The following HARS2 variants were observed in gnomAD, a reference collection of about 807,000 sequenced individuals.
The protein encoded by HARS2 is histidine--tRNA ligase, mitochondrial.
A neutral mutation model predicts 62.4 loss-of-function variants in HARS2; 40 were observed. The observed-to-expected ratio is 0.64, with a 90% CI of 0.50 to 0.83. The LOEUF (loss-of-function observed/expected upper bound fraction) is 0.83. Among genes scored for constraint, HARS2 ranks in the 40% least tolerant of loss-of-function variants. The pLI, the probability that HARS2 is intolerant of heterozygous loss-of-function variation, is 0.00. For missense variants in HARS2, 569 were observed against 626.4 expected (o/e 0.91, Z 0.98); for synonymous variants, 228 against 227.0 (o/e 1.00, Z -0.04).
At chr5:140,696,918 C>T (rs769366154) in intron 8 of HARS2, 25 bp from the exon 9 acceptor site, 6 of 1,597,006 alleles carry the variant, frequency 3.8e-6, no homozygotes, top group Admixed American at 1.7e-5. Context: ...TGTGAGTGAA[C>T]AGCAGAGACT....
intron 1 of HARS2, 83 bp from the exon 2 acceptor site, chr5:140,693,508 G>A (rs1223625818): frequency 1.2e-6 from 2 of 1,611,142 alleles, no homozygotes; most frequent in Admixed American, 1.7e-5. Flanking sequence ...AGTCTTTGCA[G>A]GTTGGTGGTC....
In HARS2 at chr5:140,697,184, G is replaced by C. The variant is rs756782773; in HGVS notation, c.975G>C (p.Leu325=). 1.8e-5 allele frequency: 29 copies of C among 1,614,242 alleles called. 1 individual carries two copies. The Middle Eastern group carries it at 4.5e-3, about 248-fold the overall frequency. The change falls in exon 10 of 13, where the codon CTG becomes CTC. Residue 325 remains leucine (L), a synonymous_variant. Transcript: ENST00000230771. The part of the protein sequence containing the change: ...IADKISFDLS[L]ARGLDYYTGV... ...CACAGATCTCCTTTGACCTCAGCCT[G>C]GCTCGGGGCCTAGACTACTATACAG... is the stretch of plus-strand genomic sequence containing the variant.
rs1759756242 is a variant in HARS2 at position 140,696,669 on chromosome 5, C to G, written c.826+55C>G. On this transcript the variant is annotated intron_variant, in intron 8 of 12. Transcript: ENST00000230771. ...AGAACCAGGCTGAAGGTGACATGTG[C>G]TCAAATTCTACCTCTGAAACAACTC... is the stretch of plus-strand genomic sequence containing the variant. 2.5e-6 allele frequency: 3 copies of G among 1,196,246 alleles called. No individual in the cohort carries two copies. In the East Asian group the frequency reaches 7.0e-5, roughly 28 times the overall value. 74.1% of individuals were successfully genotyped at this position (1,196,246 alleles called of 1,614,324 possible).
In HARS2 at chr5:140,696,172, A is replaced by G; in HGVS notation, c.703A>G (p.Ile235Val). ...TGTTCCTGAAAGCAAGTTCCGTGCC[A>G]TCTGCTCCTCCATAGATAAACTAGA... ...CGVPESKFRA[I>V]CSSIDKLDKM... The change falls in exon 7 of 13, where the codon ATC becomes GTC. Residue 235 changes from isoleucine to valine, a missense_variant. Ile to Val is a conservative substitution (Grantham distance 29). Coordinates refer to ENST00000230771, the MANE Select transcript of HARS2 (RefSeq NM_012208.4). 6.2e-7 allele frequency: 1 copy of G among 1,613,130 alleles called. No homozygotes were observed. The highest frequency in any genetic ancestry group is 8.5e-7 in the Non-Finnish European group (1 of 1,179,108).
chr5:140,694,421 A>G, intron 4 of HARS2, 141 bp downstream of exon 4: 1 of 723,694 alleles, frequency 1.4e-6, no homozygotes, highest in Admixed American at 2.0e-5. Context: ...CAGTTCTGCT[A>G]CGGAAGCCTG....
intron 4 of HARS2, 44 bp downstream of exon 4, chr5:140,694,324 C>A: frequency 7.4e-7 from 1 of 1,360,036 alleles, no homozygotes; most frequent in Non-Finnish European, 1.1e-6. Context: ...CTTTCCAAAT[C>A]CAGCGGGCTT....
intron 4 of HARS2, among the ~76,000 whole-genome samples, chr5:140,695,061 G>A (rs1759690472): frequency 6.6e-6 from 1 of 152,190 alleles, no homozygotes; most frequent in Admixed American, 6.5e-5. Flanking sequence ...GGTTACGGGT[G>A]TGAGCCACTG....
At position 140,694,051 on chromosome 5, in the gene HARS2, G is replaced by A. The variant is rs770554395; in HGVS notation, c.300G>A (p.Leu100=). The A allele has an allele frequency of 3.7e-6, 6 of 1,614,208 alleles. No homozygotes were observed. The highest frequency in any genetic ancestry group is 5.1e-6 in the Non-Finnish European group (6 of 1,180,022). ...AKGMDTPAFE[L]KETLTEKYGE... is the part of the protein sequence containing the mutation. ...GGATGGACACCCCAGCATTTGAGCT[G>A]AAGGTAAGGGGAGAAGAAAGAGTAC... Residue 100 remains leucine (L), a synonymous_variant, in exon 3 of 13, where the codon CTG becomes CTA. Coordinates refer to ENST00000230771, the MANE Select transcript of HARS2 (RefSeq NM_012208.4).
At position 140,695,801 on chromosome 5, in the gene HARS2, T is replaced by G. The variant is rs1759719283; in HGVS notation, c.589T>G (p.Cys197Gly). The change falls in exon 6 of 13, where the codon TGT becomes GGT. Residue 197 changes from cysteine (C) to glycine (G), a missense_variant. Transcript: ENST00000230771. ...CGATGCAGAGTGTTTGAAGATCATGTGTGAAATCCTAAGTGGATTGCAGTT... is the reference window on the plus strand; with the variant it reads ...CGATGCAGAGTGTTTGAAGATCATGGGTGAAATCCTAAGTGGATTGCAGTT... ...IPDAECLKIM[C>G]EILSGLQLGD... The G allele has an allele frequency of 7.4e-6, 12 of 1,613,816 alleles. No individual in the cohort carries two copies. The South Asian group carries it at 1.3e-4, about 18-fold the overall frequency.
At chr5:140,692,745 T>C (rs2149849781) in intron 1 of HARS2, among the ~76,000 whole-genome samples, 1 of 151,958 alleles carries the variant, frequency 6.6e-6, no homozygotes, top group East Asian at 1.9e-4. Context: ...ATACAAAAAT[T>C]AGCCGGGCGT....
rs575626648 is a variant in HARS2, at chr5:140,691,682, T to C, written c.34T>C (p.Trp12Arg). Residue 12 changes from tryptophan (W) to arginine (R), a missense_variant, in exon 1 of 13, where the codon TGG becomes CGG. Coordinates refer to ENST00000230771, the MANE Select transcript of HARS2 (RefSeq NM_012208.4). ...PLLGLLPRRA[W>R]ASLLSQLLRP... ...GCTCGGACTTCTTCCCAGGAGGGCC[T>C]GGGCTTCGCTGCTCAGCCAGCTCCT... 2.6e-6 allele frequency: 4 copies of C among 1,551,530 alleles called. No individual in the cohort carries two copies. Among genetic ancestry groups the C allele is most frequent in the South Asian group, 2.4e-5 (2 of 84,138 alleles).
chr5:140,698,371 ACTC>A, intron 12 of HARS2, 119 bp from the exon 13 acceptor site: 2 of 847,530 alleles, frequency 2.4e-6, no homozygotes, highest in South Asian at 2.7e-5. Context: ...AACCCACACT[ACTC>A]CTTTCTGGTT....
chr5:140,695,245 AAGTT>A (rs750905735), intron 4 of HARS2, among the ~76,000 whole-genome samples: 12 of 152,172 alleles, frequency 7.9e-5, no homozygotes, highest in Admixed American at 2.0e-4. Flanking sequence ...GAAAGACCTG[AAGTT>A]AGTTCTTGGG....
At position 140,697,645 on chromosome 5, in the gene HARS2, G is replaced by A. The variant is rs747329757; in HGVS notation, c.1274G>A (p.Arg425Gln). 5.0e-6 allele frequency: 8 copies of A among 1,613,788 alleles called. No homozygotes were observed. The highest frequency in any genetic ancestry group is 4.2e-6 in the Non-Finnish European group (5 of 1,179,702). The change falls in exon 11 of 13, where the codon CGG becomes CAG. Residue 425 changes from arginine (R) to glutamine (Q), a missense_variant. Transcript: ENST00000230771. ...CCACAGAAGAACTTTCTCCAAGAAC[G>A]GTTGAAGCTTATTGCAGAGCTTTGG... ...ATPQKNFLQERLKLIAELWDS... is the reference protein window; with the variant it reads ...ATPQKNFLQEQLKLIAELWDS...
chr5:140,693,613 C>T lies in HARS2; in HGVS notation c.131C>T (p.Ser44Phe). 2.5e-6 allele frequency: 4 copies of T among 1,613,966 alleles called. No homozygotes were observed. The highest frequency in any genetic ancestry group is 2.5e-6 in the Non-Finnish European group (3 of 1,179,866). Reference protein sequence around the residue: ...QSQVAEAVLTSQLKAHQEKPN... With the variant: ...QSQVAEAVLTFQLKAHQEKPN... ...CAGGTTGCAGAGGCAGTGTTAACAT[C>T]CCAACTGAAAGCACATCAAGAGAAA... The change falls in exon 2 of 13, where the codon TCC (serine) becomes TTC (phenylalanine). Residue 44 changes from serine (S) to phenylalanine (F), a missense_variant. Ser to Phe is a radical substitution (Grantham distance 155, BLOSUM62 -2). Transcript: ENST00000230771.
chr5:140,698,055 C>T lies in HARS2; in HGVS notation c.1438C>T (p.Arg480Cys), dbSNP rs1429188380. 6.2e-6 allele frequency: 10 copies of T among 1,614,046 alleles called. No individual in the cohort carries two copies. Among genetic ancestry groups the T allele is most frequent in the South Asian group, 4.4e-5 (4 of 91,084 alleles). ...ACTGAAAGAAGGGGTCATCAAGATCCGTTCAGTGGCCAGCAGAGAGGAGGT... is the reference window on the plus strand; with the variant it reads ...ACTGAAAGAAGGGGTCATCAAGATCTGTTCAGTGGCCAGCAGAGAGGAGGT... ...QELKEGVIKI[R>C]SVASREEVAI... The change falls in exon 12 of 13, where the codon CGT becomes TGT. Residue 480 changes from arginine (R) to cysteine (C), a missense_variant. Arg to Cys is a radical substitution (Grantham distance 180). Transcript: ENST00000230771.
intron 2 of HARS2, 111 bp downstream of exon 2, chr5:140,693,776 T>C (rs1224642635): frequency 4.9e-6 from 6 of 1,228,642 alleles, no homozygotes; most frequent in Middle Eastern, 1.9e-4. Context: ...TTTAAAAATA[T>C]ATACTATTCT....
intron 1 of HARS2, 23 bp downstream of exon 1, chr5:140,691,779 TG>T: frequency 6.8e-7 from 1 of 1,468,020 alleles, no homozygotes; most frequent in Non-Finnish European, 9.3e-7. Context: ...GAATTATCTC[TG>T]GTCTGTCCCA....
At chr5:140,692,392 C>T (rs1446155499) in intron 1 of HARS2, 1 of 154,704 alleles carries the variant, frequency 6.5e-6, no homozygotes, top group Non-Finnish European at 1.4e-5. Context: ...TTAGCAGATG[C>T]TTTGTGCTAT....
Sources: gnomAD v4.1 joint callset for allele counts (sites outside exome capture counted in the v4.1 genomes callset) on GRCh38, gnomAD v4.1.1 for gene constraint, MANE v1.5 for transcripts, NCBI Gene and HGNC (gene_info 2026-07-23, HGNC 2026-07-21) for gene names.